SYT1: variants seen among roughly 807,000 people sequenced by gnomAD.
The protein encoded by SYT1 is synaptotagmin-1.
In SYT1, 8 loss-of-function variants were observed where a neutral mutation model predicts 44.8. The observed-to-expected ratio is 0.18, with a 90% CI of 0.10 to 0.32. The LOEUF is 0.32. Ranked by LOEUF, SYT1 falls within the 10% of genes least tolerant of loss-of-function variation. The pLI is 1.00. For missense variants in SYT1, 286 were observed against 509.3 expected, an observed-to-expected ratio of 0.56 and a Z score of 4.22; for synonymous variants, 154 against 188.8, an observed-to-expected ratio of 0.82 and a Z score of 1.51.
intron 1 of SYT1, among the ~76,000 whole-genome samples, chr12:78,922,459 A>G (rs12815365): frequency 0.18 from 27,544 of 151,484 alleles, 3,095 homozygotes; most frequent in East Asian, 0.5. Flanking sequence ...TTAAGAAAAC[A>G]TATTATAAAG....
At chr12:79,052,433 G>A (rs1300352739) in intron 3 of SYT1, among the ~76,000 whole-genome samples, 1 of 152,138 alleles carries the variant, frequency 6.6e-6, no homozygotes, top group Non-Finnish European at 1.5e-5. Context: ...TACCATTCAG[G>A]ACATATGCAT....
intron 1 of SYT1, among the ~76,000 whole-genome samples, chr12:78,917,772 G>A (rs1204442662): frequency 6.6e-6 from 1 of 151,930 alleles, no homozygotes; most frequent in Admixed American, 6.6e-5. Flanking sequence ...TGAATTTAAG[G>A]TTGACGAGAA....
rs562683376 is a variant in SYT1 at position 78,926,789 on chromosome 12, A to G, written c.-216-51010A>G. 27 of 152,204 alleles carry G rather than the reference A, an allele frequency of 1.8e-4. No homozygotes were observed. The South Asian group carries it at 5.6e-3, about 32-fold the overall frequency. The allele number at this position is 152,204 out of a possible 1,614,324, so 9.4% of individuals were successfully genotyped here. On this transcript the variant is annotated intron_variant, in intron 1 of 10. Transcript: ENST00000261205. ...TTTAGATATACTCCCTATATTCTTTATAGTATATAGAAACTTTCTTTGTCC... is the reference window on the plus strand; with the variant it reads ...TTTAGATATACTCCCTATATTCTTTGTAGTATATAGAAACTTTCTTTGTCC...
intron 2 of SYT1, among the ~76,000 whole-genome samples, chr12:79,015,973 T>A (rs566074988): frequency 6.6e-6 from 1 of 152,276 alleles, no homozygotes; most frequent in African/African-American, 2.4e-5. Context: ...TGAGCCATGG[T>A]GCCTCCCTTC....
At chr12:78,946,789 C>A (rs1370173015) in intron 1 of SYT1, among the ~76,000 whole-genome samples, 1 of 152,052 alleles carries the variant, frequency 6.6e-6, no homozygotes, top group Non-Finnish European at 1.5e-5. Flanking sequence ...ATCTATAGTG[C>A]CTATAACATT....
At chr12:79,077,621 G>C (rs1396436969) in intron 3 of SYT1, among the ~76,000 whole-genome samples, 1 of 152,172 alleles carries the variant, frequency 6.6e-6, no homozygotes, top group Non-Finnish European at 1.5e-5. Context: ...GCAATGTATT[G>C]AAGGGTCAAC....
chr12:79,130,624 C>A (rs1211473138), intron 3 of SYT1, among the ~76,000 whole-genome samples: 2 of 152,174 alleles, frequency 1.3e-5, no homozygotes, highest in African/African-American at 4.8e-5. Context: ...TAGGATTTCT[C>A]AGTTCTAACT....
At chr12:79,344,868 CAGTT>C (rs761871051) in intron 8 of SYT1, among the ~76,000 whole-genome samples, 19 of 152,122 alleles carry the variant, frequency 1.2e-4, no homozygotes, top group Admixed American at 2.6e-4. Context: ...ACAAGTGTAT[CAGTT>C]AATCAAAATA....
chr12:78,895,311 A>T (rs1450729238), intron 1 of SYT1, among the ~76,000 whole-genome samples: 1 of 151,770 alleles, frequency 6.6e-6, no homozygotes, highest in Non-Finnish European at 1.5e-5. Context: ...CAGCATATTA[A>T]ATAAAACAAC....
chr12:78,871,430 T>A (rs1873814795), intron 1 of SYT1, among the ~76,000 whole-genome samples: 1 of 152,016 alleles, frequency 6.6e-6, no homozygotes, highest in Non-Finnish European at 1.5e-5. Flanking sequence ...TCTTTTTCCC[T>A]CATGATGTAC....
In SYT1 at chr12:79,026,004, T is replaced by G. The variant is rs146336591; in HGVS notation, c.-83-21293T>G. 4.5e-3 allele frequency among the ~76,000 whole-genome samples: 688 copies of G among 151,822 alleles called. 5 individuals are homozygous for G. The highest frequency in any genetic ancestry group is 0.015 in the African/African-American group (639 of 41,498). ...TACTGAAAATAGATATTTAAAAAGA[T>G]CCTTGAAATGCAAATGCCTTTGGCA... On this transcript the variant is annotated intron_variant, in intron 2 of 10. Transcript: ENST00000261205.
At chr12:79,077,511 A>G (rs1353529207) in intron 3 of SYT1, among the ~76,000 whole-genome samples, 1 of 152,150 alleles carries the variant, frequency 6.6e-6, no homozygotes, top group Non-Finnish European at 1.5e-5. Context: ...GAGGGAAATT[A>G]GGTGGTTATT....
At chr12:78,952,280 C>G (rs1180637489) in intron 1 of SYT1, among the ~76,000 whole-genome samples, 1 of 152,116 alleles carries the variant, frequency 6.6e-6, no homozygotes, top group Non-Finnish European at 1.5e-5. Context: ...TTTGATCTGT[C>G]CTGCTACAGC....
chr12:79,371,478 C>T (rs937742343), intron 9 of SYT1, among the ~76,000 whole-genome samples: 14 of 152,230 alleles, frequency 9.2e-5, no homozygotes, highest in African/African-American at 3.1e-4. Context: ...ATCCCTGCGA[C>T]TTCATAAACA....
intron 3 of SYT1, among the ~76,000 whole-genome samples, chr12:79,160,278 T>C (rs1870867740): frequency 6.6e-6 from 1 of 152,064 alleles, no homozygotes; most frequent in Non-Finnish European, 1.5e-5. Flanking sequence ...GAAATATAAG[T>C]AGGACTTACA....
At chr12:79,148,489 C>T (rs1246720286) in intron 3 of SYT1, among the ~76,000 whole-genome samples, 1 of 152,004 alleles carries the variant, frequency 6.6e-6, no homozygotes, top group Non-Finnish European at 1.5e-5. Flanking sequence ...CTTCAACTAA[C>T]GATCAGTTAT....
rs536059440 is a variant in SYT1, at chr12:79,224,014, T to G, written c.166+6329T>G. On this transcript the variant is annotated intron_variant, in intron 4 of 10. Transcript: ENST00000261205. ...TCCTATCTCTTCAATGCATTTTTTCTTAGTATTATGCTACTACCAGTTACT... is the reference window on the plus strand; with the variant it reads ...TCCTATCTCTTCAATGCATTTTTTCGTAGTATTATGCTACTACCAGTTACT... Among the ~76,000 whole-genome samples, 7 of 152,336 alleles carry G rather than the reference T, an allele frequency of 4.6e-5. No homozygotes were observed. The South Asian group carries it at 8.3e-4, about 18-fold the overall frequency.
chr12:79,095,904 G>A (rs569853870), intron 3 of SYT1, among the ~76,000 whole-genome samples: 1 of 151,998 alleles, frequency 6.6e-6, no homozygotes, highest in Admixed American at 6.6e-5. Context: ...TTTATTATAT[G>A]CACATGAGCA....
chr12:79,140,761 G>T (rs566002860), intron 3 of SYT1, among the ~76,000 whole-genome samples: 1 of 152,266 alleles, frequency 6.6e-6, no homozygotes, highest in East Asian at 1.9e-4. Flanking sequence ...CTGCATCCTG[G>T]TTGCACTGAT....
Sources: gnomAD v4.1 joint callset for allele counts (sites outside exome capture counted in the v4.1 genomes callset) on GRCh38, gnomAD v4.1.1 for gene constraint, MANE v1.5 for transcripts, NCBI Gene and HGNC (gene_info 2026-07-23, HGNC 2026-07-21) for gene names.